Variants in TMC1 observed in about 807,000 individuals in gnomAD.
TMC1 encodes transmembrane channel like 1, also known as transmembrane channel-like protein 1.
A neutral mutation model predicts 105.8 loss-of-function variants in TMC1; 84 were observed. The observed-to-expected ratio is 0.79, with a 90% CI of 0.67 to 0.95. The LOEUF is 0.95. Among genes scored for constraint, TMC1 ranks in the 40% least tolerant of loss-of-function variants. TMC1 has a pLI of 0.00. For synonymous variants in TMC1, 315 were observed against 311.5 expected (o/e 1.01, Z -0.12); for missense variants, 817 against 914.1 (o/e 0.89, Z 1.37).
chr9:72,730,113 G>T (rs1340705188), intron 8 of TMC1, among the ~76,000 whole-genome samples: 1 of 152,178 alleles, frequency 6.6e-6, no homozygotes, highest in Non-Finnish European at 1.5e-5. Context: ...CAACAAACAT[G>T]AGAGTGTTTC....
chr9:72,830,787 T>C, intron 23 of TMC1, 105 bp downstream of exon 23: 2 of 987,088 alleles, frequency 2.0e-6, no homozygotes, highest in Non-Finnish European at 3.1e-6. Flanking sequence ...AGTGGCATTA[T>C]TGCTGTGAGC....
At chr9:72,689,974 A>T (rs901937092) in intron 6 of TMC1, among the ~76,000 whole-genome samples, 1 of 152,058 alleles carries the variant, frequency 6.6e-6, no homozygotes, top group African/African-American at 2.4e-5. Context: ...ATAGAGCAAG[A>T]CTAACTTTTG....
intron 2 of TMC1, among the ~76,000 whole-genome samples, chr9:72,596,560 A>AT (rs1564433691): frequency 6.7e-6 from 1 of 149,982 alleles, no homozygotes; most frequent in Non-Finnish European, 1.5e-5. Flanking sequence ...AAAAAAAAAA[A>AT]AGACAGAAAT....
intron 1 of TMC1, among the ~76,000 whole-genome samples, chr9:72,526,257 G>C (rs1190896233): frequency 6.6e-6 from 1 of 152,114 alleles, no homozygotes; most frequent in Non-Finnish European, 1.5e-5. Context: ...CCTTTGCACA[G>C]ATGTTATTTT....
chr9:72,525,102 T>C (rs762247240), intron 1 of TMC1, among the ~76,000 whole-genome samples: 3 of 152,204 alleles, frequency 2.0e-5, no homozygotes, highest in Non-Finnish European at 4.4e-5. Context: ...TGCCTATTCT[T>C]TTAAACCGGT....
intron 18 of TMC1, among the ~76,000 whole-genome samples, chr9:72,813,611 T>G (rs751612539): frequency 2.6e-5 from 4 of 152,360 alleles, no homozygotes; most frequent in Middle Eastern, 3.4e-3. Context: ...TAAATGCTGT[T>G]GTTTTAGTAC....
chr9:72,560,785 C>T (rs1824032520), intron 1 of TMC1, among the ~76,000 whole-genome samples: 1 of 151,204 alleles, frequency 6.6e-6, no homozygotes. Flanking sequence ...CGCCCGGCCT[C>T]ATTTTCTCTA....
Position 72,830,735 on chromosome 9 carries a change from T to C in TMC1, c.2260+53T>C. The C allele has an allele frequency of 2.7e-6, 4 of 1,477,664 alleles. No individual in the cohort carries two copies. In the South Asian group the frequency reaches 3.8e-5, roughly 14 times the overall value. 91.5% of individuals were successfully genotyped at this position (1,477,664 alleles called of 1,614,324 possible). A position where few individuals can be genotyped will look rare whatever the true frequency, so the allele number is the denominator to read the frequency against. Reference sequence around the variant, plus strand: ...TTTGTAATTTTTCTTTTTCTTTTTCTTTCTTTTTTTTTTTTTTTTGCTTTT... The same window carrying C: ...TTTGTAATTTTTCTTTTTCTTTTTCCTTCTTTTTTTTTTTTTTTTGCTTTT... On this transcript the variant is annotated intron_variant, in intron 23 of 23. Coordinates refer to ENST00000297784, the MANE Select transcript of TMC1 (RefSeq NM_138691.3).
At position 72,837,273 on chromosome 9, in the gene TMC1, T is replaced by G. The variant is rs578071249; in HGVS notation, c.*1300T>G. On this transcript the variant is annotated 3_prime_UTR_variant, in exon 24 of 24. Transcript: ENST00000297784. ...GCATGCTTGAGCCCACTTGCCCAAC[T>G]CCTAAGATCTCCGGCTCAGGTGTTT... 7 of 152,364 alleles carry G rather than the reference T, an allele frequency of 4.6e-5. No individual in the cohort carries two copies. The highest frequency in any genetic ancestry group is 1.7e-4 in the African/African-American group (7 of 41,578). The allele number at this position is 152,364 out of a possible 1,614,324, so 9.4% of individuals were successfully genotyped here.
At chr9:72,693,950 A>G (rs1564495260) in intron 6 of TMC1, among the ~76,000 whole-genome samples, 1 of 152,088 alleles carries the variant, frequency 6.6e-6, no homozygotes, top group Non-Finnish European at 1.5e-5. Flanking sequence ...GCAAATGTGT[A>G]TACTACTTTT....
At chr9:72,797,989 CAG>C (rs1489936463) in intron 17 of TMC1, among the ~76,000 whole-genome samples, 1 of 152,042 alleles carries the variant, frequency 6.6e-6, no homozygotes, top group Non-Finnish European at 1.5e-5. Context: ...GTCTAATATG[CAG>C]AGTCTACAAG....
At chr9:72,655,585 A>T (rs1396907221) in intron 5 of TMC1, among the ~76,000 whole-genome samples, 2 of 152,076 alleles carry the variant, frequency 1.3e-5, no homozygotes, top group Middle Eastern at 3.2e-3. Flanking sequence ...TACTAAATAT[A>T]CAAAAAATTA....
intron 5 of TMC1, among the ~76,000 whole-genome samples, chr9:72,679,042 C>A (rs1402394979): frequency 6.6e-6 from 1 of 152,032 alleles, no homozygotes; most frequent in African/African-American, 2.4e-5. Context: ...TTTCCTCTAA[C>A]ATTCATGCTA....
At chr9:72,610,612 A>G (rs920272170) in intron 2 of TMC1, among the ~76,000 whole-genome samples, 1 of 152,208 alleles carries the variant, frequency 6.6e-6, no homozygotes, top group Non-Finnish European at 1.5e-5. Flanking sequence ...GATGAGGCCC[A>G]CCCACAATCT....
intron 1 of TMC1, among the ~76,000 whole-genome samples, chr9:72,557,295 CG>C (rs1196219934): frequency 5.3e-5 from 8 of 152,128 alleles, no homozygotes; most frequent in East Asian, 1.9e-4. Context: ...CGCTTGAACC[CG>C]GGGGGCAAAG....
intron 12 of TMC1, among the ~76,000 whole-genome samples, chr9:72,756,661 A>T (rs571202703): frequency 6.6e-6 from 1 of 152,310 alleles, no homozygotes; most frequent in African/African-American, 2.4e-5. Flanking sequence ...AAGATCACTG[A>T]CTTTTTCTGT....
intron 1 of TMC1, among the ~76,000 whole-genome samples, chr9:72,543,835 C>G (rs1329888742): frequency 6.6e-6 from 1 of 151,946 alleles, no homozygotes; most frequent in African/African-American, 2.4e-5. Context: ...TTCGTGGGCT[C>G]AAGAGATCCT....
chr9:72,550,711 TA>T (rs527505822), intron 1 of TMC1, among the ~76,000 whole-genome samples: 73 of 115,820 alleles, frequency 6.3e-4, no homozygotes, highest in Middle Eastern at 0.011. Flanking sequence ...GAAATTGAAA[TA>T]GGGGGTAAAA....
chr9:72,581,987 C>T (rs931260085), intron 2 of TMC1, among the ~76,000 whole-genome samples: 2 of 152,120 alleles, frequency 1.3e-5, no homozygotes, highest in African/African-American at 4.8e-5. Context: ...GACGGAGTTT[C>T]GCTCTTGTTG....
Sources: gnomAD v4.1 joint callset for allele counts (sites outside exome capture counted in the v4.1 genomes callset) on GRCh38, gnomAD v4.1.1 for gene constraint, MANE v1.5 for transcripts, NCBI Gene and HGNC (gene_info 2026-07-23, HGNC 2026-07-21) for gene names.